SPIDR: variants seen among roughly 807,000 people sequenced by gnomAD.
SPIDR encodes scaffold protein involved in DNA repair, also known as DNA repair-scaffolding protein.
A neutral mutation model predicts 104.6 loss-of-function variants in SPIDR; 93 were observed. The ratio of observed to expected loss-of-function variants is 0.89; its 90% CI spans 0.75 to 1.06. The LOEUF (loss-of-function observed/expected upper bound fraction) is 1.06. SPIDR is among the 50% of genes least tolerant of loss of function. The probability of loss-of-function intolerance (pLI) is 0.00; values close to 1 mark genes in which losing one functional copy is unlikely to be tolerated. For missense variants in SPIDR, 1,154 were observed against 1,111.2 expected, an observed-to-expected ratio of 1.04 and a Z score of -0.55; for synonymous variants, 431 against 416.9, an observed-to-expected ratio of 1.03 and a Z score of -0.41.
chr8:47,615,514 A>G (rs1162043748), intron 10 of SPIDR, among the ~76,000 whole-genome samples: 1 of 136,674 alleles, frequency 7.3e-6, no homozygotes, highest in African/African-American at 2.9e-5. Context: ...ACTCTGTCGC[A>G]CAGGCTGGAA....
chr8:47,288,013 GATATATGTCC>G (rs2039188799), intron 3 of SPIDR, among the ~76,000 whole-genome samples: 2 of 152,136 alleles, frequency 1.3e-5, no homozygotes, highest in African/African-American at 2.4e-5. Context: ...TTTGGGAACT[GATATATGTCC>G]ATATTAAAAT....
At chr8:47,649,847 AAAAC>A (rs953867913) in intron 10 of SPIDR, among the ~76,000 whole-genome samples, 8 of 152,356 alleles carry the variant, frequency 5.3e-5, no homozygotes, top group Non-Finnish European at 1.2e-4. Context: ...ACAAAATAAA[AAAAC>A]AAAAATCATA....
At chr8:47,591,721 T>C (rs2061032460) in intron 8 of SPIDR, among the ~76,000 whole-genome samples, 1 of 151,958 alleles carries the variant, frequency 6.6e-6, no homozygotes, top group Non-Finnish European at 1.5e-5. Context: ...TTTTAACCAA[T>C]GCAATTAGAT....
At chr8:47,509,338 G>GT (rs2081973979) in intron 8 of SPIDR, among the ~76,000 whole-genome samples, 2 of 152,176 alleles carry the variant, frequency 1.3e-5, no homozygotes, top group African/African-American at 4.8e-5. Flanking sequence ...TGGGAGTGTA[G>GT]TTACGAGGTG....
chr8:47,535,502 T>C (rs1257163404), intron 8 of SPIDR, among the ~76,000 whole-genome samples: 4 of 152,138 alleles, frequency 2.6e-5, no homozygotes, highest in Non-Finnish European at 5.9e-5. Flanking sequence ...GATACATAAA[T>C]AGTTAACAAC....
chr8:47,270,058 G>C (rs2034975804), intron 1 of SPIDR, among the ~76,000 whole-genome samples: 1 of 152,114 alleles, frequency 6.6e-6, no homozygotes, highest in Non-Finnish European at 1.5e-5. Flanking sequence ...CAGTTTGCTA[G>C]TATTTTGTTG....
rs752361191 is a variant in SPIDR, at chr8:47,701,493, C to T, written c.1774-228C>T. Among the ~76,000 whole-genome samples the T allele has an allele frequency of 4.6e-5, 7 of 152,018 alleles. 1 individual carries two copies. In the South Asian group the frequency reaches 8.3e-4, roughly 18 times the overall value. The stretch of plus-strand genomic sequence containing the variant: ...TCTAGATGATATTTTCAGTATACCC[C>T]GAAAGATTTCTAAAATGAAACCTTG... On this transcript the variant is annotated intron_variant, in intron 12 of 19. Transcript: ENST00000297423.
chr8:47,537,289 T>C (rs1236937712), intron 8 of SPIDR, among the ~76,000 whole-genome samples: 5 of 152,230 alleles, frequency 3.3e-5, no homozygotes, highest in African/African-American at 1.2e-4. Context: ...TATTCATAAT[T>C]ACCAAAAACT....
At chr8:47,645,229 T>C (rs1032841307) in intron 10 of SPIDR, among the ~76,000 whole-genome samples, 6 of 152,236 alleles carry the variant, frequency 3.9e-5, no homozygotes, top group African/African-American at 1.4e-4. Flanking sequence ...CAGGTCAGAC[T>C]GACGACCTGG....
At chr8:47,301,251 A>G (rs2042028748) in intron 5 of SPIDR, among the ~76,000 whole-genome samples, 1 of 152,110 alleles carries the variant, frequency 6.6e-6, no homozygotes, top group Non-Finnish European at 1.5e-5. Context: ...CTGTTTTATC[A>G]GAGACTAGGA....
At chr8:47,265,054 G>T (rs1379498083) in intron 1 of SPIDR, among the ~76,000 whole-genome samples, 1 of 152,092 alleles carries the variant, frequency 6.6e-6, no homozygotes, top group Non-Finnish European at 1.5e-5. Context: ...TTCAGTGATG[G>T]CAGGAAATTC....
intron 8 of SPIDR, among the ~76,000 whole-genome samples, chr8:47,441,463 TCTTTGGTCA>T (rs1282871973): frequency 6.6e-6 from 1 of 152,202 alleles, no homozygotes; most frequent in Non-Finnish European, 1.5e-5. Context: ...ACCTTTCTTC[TCTTTGGTCA>T]CTTTGGTCCT....
chr8:47,615,062 G>C (rs1161395061), intron 10 of SPIDR, among the ~76,000 whole-genome samples: 4 of 151,818 alleles, frequency 2.6e-5, no homozygotes, highest in Non-Finnish European at 4.4e-5. Context: ...TTGATACACA[G>C]AAGTTTTAAT....
intron 5 of SPIDR, among the ~76,000 whole-genome samples, chr8:47,359,141 G>A (rs1400049126): frequency 6.6e-6 from 1 of 151,642 alleles, no homozygotes; most frequent in African/African-American, 2.4e-5. Context: ...AGCTACTCGG[G>A]AGGCTGAGGC....
intron 8 of SPIDR, among the ~76,000 whole-genome samples, chr8:47,480,604 A>G (rs143276107): frequency 7.9e-5 from 12 of 152,316 alleles, no homozygotes; most frequent in Non-Finnish European, 1.3e-4. Flanking sequence ...ATATAAACTG[A>G]AAGTGTACAA....
chr8:47,327,123 A>T (rs1414477390), intron 5 of SPIDR, among the ~76,000 whole-genome samples: 3 of 152,036 alleles, frequency 2.0e-5, no homozygotes, highest in Non-Finnish European at 4.4e-5. Flanking sequence ...TCTTCTACCC[A>T]CTTAAAAAAA....
At position 47,279,940 on chromosome 8, in the gene SPIDR, A is replaced by G; in HGVS notation, c.112A>G (p.Thr38Ala). The change falls in exon 2 of 20, where the codon ACA becomes GCA. Residue 38 changes from threonine (T) to alanine (A), a missense_variant. By Grantham distance (58) the Thr-to-Ala change is moderately conservative. Coordinates refer to ENST00000297423, the MANE Select transcript of SPIDR (RefSeq NM_001080394.4). ...GCAGGTCAGAAGAGCAGGTCTCAGG[A>G]CAGCAGGGGCAGCTGCCTCTCTCTC... ...PLQVRRAGLR[T>A]AGAAASLSEA... 6.2e-7 allele frequency: 1 copy of G among 1,614,154 alleles called. No homozygotes were observed. Among genetic ancestry groups the G allele is most frequent in the South Asian group, 1.1e-5 (1 of 91,082 alleles).
At chr8:47,433,745 T>C (rs2067772756) in intron 7 of SPIDR, among the ~76,000 whole-genome samples, 1 of 152,210 alleles carries the variant, frequency 6.6e-6, no homozygotes, top group Non-Finnish European at 1.5e-5. Context: ...CTAATGTAAA[T>C]TTGTTGATTA....
intron 7 of SPIDR, among the ~76,000 whole-genome samples, chr8:47,430,315 G>A (rs1266963437): frequency 6.6e-6 from 1 of 152,196 alleles, no homozygotes; most frequent in Non-Finnish European, 1.5e-5. Flanking sequence ...TAGGGGTTAT[G>A]AATTTGCCAT....
Sources: gnomAD v4.1 joint callset for allele counts (sites outside exome capture counted in the v4.1 genomes callset) on GRCh38, gnomAD v4.1.1 for gene constraint, MANE v1.5 for transcripts, NCBI Gene and HGNC (gene_info 2026-07-23, HGNC 2026-07-21) for gene names.